SNX14: variants seen among roughly 807,000 people sequenced by gnomAD.
The protein encoded by SNX14 is sorting nexin-14.
A neutral mutation model predicts 133.8 loss-of-function variants in SNX14; 93 were observed. The ratio of observed to expected loss-of-function variants is 0.70; its 90% CI spans 0.59 to 0.83. The LOEUF is 0.83. Ranked by LOEUF, SNX14 falls within the 40% of genes least tolerant of loss-of-function variation. The pLI is 0.00. For missense variants in SNX14, 945 were observed against 1,094.9 expected (o/e 0.86, Z 1.93); for synonymous variants, 368 against 365.6 (o/e 1.01, Z -0.07).
Position 85,517,763 on chromosome 6 carries a change from T to C in SNX14, c.2261A>G (p.Asn754Ser), listed in dbSNP as rs138417324. The C allele has an allele frequency of 3.1e-4, 502 of 1,596,842 alleles. No individual in the cohort carries two copies. Among genetic ancestry groups the C allele is most frequent in the Middle Eastern group, 2.2e-3 (13 of 5,962 alleles). The change falls in exon 23 of 29, where the codon AAC (asparagine) becomes AGC (serine). Residue 754 changes from asparagine (N) to serine (S), a missense_variant. Physicochemically the swap from Asn to Ser is conservative, Grantham distance 46. Around this residue, in one of 3 missense-constraint regions of SNX14, gnomAD observed 412 missense variants for 516.6 expected, o/e 0.80. Transcript: ENST00000314673. Reference protein sequence around the residue: ...LTILSPTSENNKKLFNDLFKN... With the variant: ...LTILSPTSENSKKLFNDLFKN... ...TAATGCAATGTGCAGTACCTTCTTG[T>C]TGTTTTCTGAAGTAGGGCTGAGAAT... is the stretch of plus-strand genomic sequence containing the variant.
At chr6:85,574,220 A>T in intron 2 of SNX14, 38 bp downstream of exon 2, 1 of 1,495,578 alleles carries the variant, frequency 6.7e-7, no homozygotes, top group Non-Finnish European at 9.1e-7. Flanking sequence ...TTAGGCTCAT[A>T]TACATTGATT....
chr6:85,579,892 T>C (rs1022453715), intron 1 of SNX14, among the ~76,000 whole-genome samples: 2 of 152,158 alleles, frequency 1.3e-5, no homozygotes, highest in Non-Finnish European at 2.9e-5. Context: ...TCAAAGCCAG[T>C]GGACTTGGAG....
In SNX14 at chr6:85,543,302, A is replaced by G; in HGVS notation, c.1269T>C (p.Ala423=). 5.1e-6 allele frequency: 8 copies of G among 1,564,052 alleles called. No homozygotes were observed. Among genetic ancestry groups the G allele is most frequent in the Non-Finnish European group, 6.9e-6 (8 of 1,162,710 alleles). ...PFIVEEIQRI[A]EGPYIDVVKL... The stretch of plus-strand genomic sequence containing the variant: ...TCACAACATCTATGTATGGGCCTTC[A>G]GCAACTATTAAAAAAATTCTACTGT... Residue 423 remains alanine (A), a synonymous_variant, in exon 14 of 29, where the codon GCT becomes GCC. Coordinates refer to ENST00000314673, the MANE Select transcript of SNX14 (RefSeq NM_153816.6).
intron 1 of SNX14, among the ~76,000 whole-genome samples, chr6:85,580,084 C>T (rs1235164038): frequency 6.6e-6 from 1 of 152,194 alleles, no homozygotes; most frequent in Non-Finnish European, 1.5e-5. Flanking sequence ...GAGACCCTTT[C>T]CCTCTGCTTG....
At chr6:85,566,123 A>G (rs1466558457) in intron 5 of SNX14, among the ~76,000 whole-genome samples, 5 of 152,238 alleles carry the variant, frequency 3.3e-5, no homozygotes, top group Admixed American at 6.5e-5. Flanking sequence ...ATCAATAGCT[A>G]CAACTGAGAA....
chr6:85,517,716 A>C (rs976579424), intron 23 of SNX14, 40 bp downstream of exon 23: 1 of 1,544,106 alleles, frequency 6.5e-7, no homozygotes, highest in African/African-American at 1.4e-5. Context: ...CAAGTAGGGC[A>C]ACTTAAAACT....
chr6:85,578,873 C>T (rs1042890488), intron 1 of SNX14, among the ~76,000 whole-genome samples: 1 of 152,124 alleles, frequency 6.6e-6, no homozygotes, highest in African/African-American at 2.4e-5. Context: ...CAGTGGGTCA[C>T]GCCTGTAATC....
chr6:85,575,488 C>T (rs1797037126), intron 1 of SNX14, among the ~76,000 whole-genome samples: 1 of 152,192 alleles, frequency 6.6e-6, no homozygotes, highest in Admixed American at 6.5e-5. Context: ...GACAGGAAAC[C>T]ATGGAGTTGT....
intron 23 of SNX14, among the ~76,000 whole-genome samples, chr6:85,515,579 G>C (rs532442309): frequency 6.6e-6 from 1 of 152,168 alleles, no homozygotes; most frequent in South Asian, 2.1e-4. Context: ...TTTACCTGAA[G>C]ATGAATTTTT....
intron 17 of SNX14, among the ~76,000 whole-genome samples, chr6:85,535,315 T>C (rs1454484460): frequency 1.3e-5 from 2 of 150,956 alleles, no homozygotes; most frequent in African/African-American, 4.9e-5. Flanking sequence ...ACACCCAGCA[T>C]AAAACTACCC....
intron 9 of SNX14, among the ~76,000 whole-genome samples, chr6:85,547,857 A>G (rs1786235591): frequency 6.6e-6 from 1 of 152,222 alleles, no homozygotes; most frequent in African/African-American, 2.4e-5. Flanking sequence ...GTGTCCATCA[A>G]TGGATGAACA....
intron 15 of SNX14, among the ~76,000 whole-genome samples, chr6:85,541,288 C>T (rs1252620565): frequency 2.0e-5 from 3 of 152,094 alleles, no homozygotes; most frequent in Non-Finnish European, 2.9e-5. Context: ...CCACCGTGCC[C>T]GGCCATTAAC....
Position 85,528,346 on chromosome 6 carries a change from G to T in SNX14, c.1911C>A (p.Ala637=). ...LTEFHGAFPD[A]QLPSKRIIGP... ...CAATGATCCTCTTAGAAGGAAGCTG[G>T]GCATCAGGAAATGCACCTGAAATTA... Residue 637 remains alanine, a synonymous_variant, in exon 20 of 29, where the codon GCC becomes GCA. Coordinates refer to ENST00000314673, the MANE Select transcript of SNX14 (RefSeq NM_153816.6). 1 of 1,612,086 alleles carries T rather than the reference G, an allele frequency of 6.2e-7. No individual in the cohort carries two copies. Among genetic ancestry groups the T allele is most frequent in the Non-Finnish European group, 8.5e-7 (1 of 1,179,052 alleles).
At chr6:85,531,009 G>A (rs963080245) in intron 18 of SNX14, among the ~76,000 whole-genome samples, 1 of 152,060 alleles carries the variant, frequency 6.6e-6, no homozygotes, top group African/African-American at 2.4e-5. Flanking sequence ...CTGCAGTTAC[G>A]AAGATGCTCC....
At chr6:85,574,557 C>T in intron 1 of SNX14, among the ~76,000 whole-genome samples, 179 bp from the exon 2 acceptor site, 1 of 152,166 alleles carries the variant, frequency 6.6e-6, no homozygotes, top group East Asian at 1.9e-4. Flanking sequence ...TGTATGCTAT[C>T]AAATACATAT....
intron 12 of SNX14, among the ~76,000 whole-genome samples, chr6:85,546,889 A>T (rs769552013): frequency 2.7e-5 from 4 of 148,978 alleles, no homozygotes; most frequent in Non-Finnish European, 5.9e-5. Context: ...TGAACCCAGG[A>T]GGCGGAGGTT....
chr6:85,524,382 G>A (rs1410915589), intron 21 of SNX14, among the ~76,000 whole-genome samples: 1 of 152,182 alleles, frequency 6.6e-6, no homozygotes, highest in Non-Finnish European at 1.5e-5. Context: ...AAACAGTTAA[G>A]AGAATAATAT....
intron 4 of SNX14, among the ~76,000 whole-genome samples, chr6:85,569,641 C>T (rs1794956492): frequency 6.6e-6 from 1 of 152,124 alleles, no homozygotes; most frequent in African/African-American, 2.4e-5. Flanking sequence ...ACATAAAATC[C>T]TGATTAAGAA....
rs558507770 is a variant in SNX14, at chr6:85,522,711, T to C, written c.2107+3415A>G. Among the ~76,000 whole-genome samples, 3 of 152,292 alleles carry C rather than the reference T, an allele frequency of 2.0e-5. No homozygotes were observed. In the East Asian group the frequency reaches 5.8e-4, roughly 29 times the overall value. ...TCTGATTAGGTTTCATTGTTTAAAA[T>C]CTATCAGTGTCTCTTTCCCCCTGCT... On this transcript the variant is annotated intron_variant, in intron 21 of 28. Coordinates refer to ENST00000314673, the MANE Select transcript of SNX14 (RefSeq NM_153816.6).
Sources: allele counts gnomAD v4.1 joint callset (sites outside exome capture counted in the v4.1 genomes callset), GRCh38; gene constraint gnomAD v4.1.1; regional missense constraint gnomAD v4.1.1; transcripts MANE v1.5; gene names NCBI Gene and HGNC (gene_info 2026-07-23, HGNC 2026-07-21).